The following CAMK2G variants were observed in gnomAD, a reference collection of about 807,000 sequenced individuals.
CAMK2G encodes calcium/calmodulin dependent protein kinase II gamma.
A neutral mutation model predicts 88.7 loss-of-function variants in CAMK2G; 23 were observed. That is an observed-to-expected ratio of 0.26 (90% CI 0.19 to 0.37). The LOEUF (loss-of-function observed/expected upper bound fraction) is 0.37, where lower values mean the gene tolerates loss of function less well. Among genes scored for constraint, CAMK2G ranks in the 10% least tolerant of loss-of-function variants. The probability of loss-of-function intolerance (pLI) is 1.00; values close to 1 mark genes in which losing one functional copy is unlikely to be tolerated. For missense variants in CAMK2G, 476 were observed against 780.8 expected, an observed-to-expected ratio of 0.61 and a Z score of 4.65; for synonymous variants, 263 against 294.8, an observed-to-expected ratio of 0.89 and a Z score of 1.11.
chr10:73,865,439 C>T (rs986652322), intron 2 of CAMK2G, among the ~76,000 whole-genome samples: 31 of 152,236 alleles, frequency 2.0e-4, no homozygotes, highest in African/African-American at 7.0e-4. Flanking sequence ...CCCGCTCTCC[C>T]CGTTCCTGCT....
intron 14 of CAMK2G, among the ~76,000 whole-genome samples, chr10:73,829,297 T>TA (rs2091914057): frequency 1.3e-5 from 2 of 150,882 alleles, no homozygotes; most frequent in African/African-American, 4.9e-5. Flanking sequence ...TTTATTTATT[T>TA]ATTTATTTAT....
chr10:73,845,663 A>G (rs1489948105), intron 10 of CAMK2G, among the ~76,000 whole-genome samples: 4 of 151,512 alleles, frequency 2.6e-5, no homozygotes, highest in Non-Finnish European at 5.9e-5. Context: ...TGAGGGTACA[A>G]CTCTCCGCTC....
At chr10:73,853,120 G>T (rs1349217788) in intron 4 of CAMK2G, 72 bp downstream of exon 4, 6 of 1,407,950 alleles carry the variant, frequency 4.3e-6, no homozygotes, top group Non-Finnish European at 6.0e-6. Context: ...GCCTGTTTAG[G>T]CCTCTTCCTG....
chr10:73,818,064 A>G lies in CAMK2G; in HGVS notation c.1364-510T>C, dbSNP rs982032716. 5.3e-5 allele frequency: 9 copies of G among 169,948 alleles called. No individual in the cohort carries two copies. In the South Asian group the frequency reaches 1.3e-3, roughly 24 times the overall value. The allele number at this position is 169,948 out of a possible 1,614,324, so 10.5% of individuals were successfully genotyped here. A position where few individuals can be genotyped will look rare whatever the true frequency, so the allele number is the denominator to read the frequency against. ...GACAGGTAGCCTGACAGCAGAATCC[A>G]GCTAGGGCTGGGGTGCCAAAGGACC... On this transcript the variant is annotated intron_variant, in intron 19 of 22. Transcript: ENST00000423381.
In CAMK2G at chr10:73,839,946, T is replaced by C. The variant is rs1318250862; in HGVS notation, c.947-345A>G. 6.6e-6 allele frequency among the ~76,000 whole-genome samples: 1 copy of C among 152,110 alleles called. No homozygotes were observed. Among genetic ancestry groups the C allele is most frequent in the Non-Finnish European group, 1.5e-5 (1 of 67,984 alleles). On this transcript the variant is annotated intron_variant, in intron 12 of 22. Coordinates refer to ENST00000423381, the MANE Select transcript of CAMK2G (RefSeq NM_001367534.1). This position sits in a 1 kb window ranked among gnomAD's most constrained non-coding sequence, Gnocchi z 4.2. The stretch of plus-strand genomic sequence containing the variant: ...CCTTCTGAGGTAGCCCGGCCCTAGC[T>C]TAAGGCTGTGATGAAACGCCCTCCC...
At chr10:73,864,819 AT>A (rs1315811781) in intron 2 of CAMK2G, among the ~76,000 whole-genome samples, 3 of 151,394 alleles carry the variant, frequency 2.0e-5, no homozygotes, top group Non-Finnish European at 4.4e-5. Flanking sequence ...ATTTTTTTGT[AT>A]TTTTCAGTAG....
intron 14 of CAMK2G, among the ~76,000 whole-genome samples, chr10:73,833,457 C>T (rs2092776145): frequency 6.6e-6 from 1 of 152,146 alleles, no homozygotes; most frequent in Non-Finnish European, 1.5e-5. Context: ...ACTACCATCA[C>T]TAACTAGAGT....
At chr10:73,837,255 G>C (rs1565307886) in intron 14 of CAMK2G, 1 of 625,392 alleles carries the variant, frequency 1.6e-6, no homozygotes, top group African/African-American at 1.8e-5. Context: ...CTTCCCCTGA[G>C]TCATTCCCAT....
intron 16 of CAMK2G, among the ~76,000 whole-genome samples, chr10:73,824,588 T>C (rs2090284094): frequency 6.6e-6 from 1 of 152,220 alleles, no homozygotes; most frequent in Non-Finnish European, 1.5e-5. Context: ...GCCCGCCTTC[T>C]GCCTTCCCTA....
chr10:73,845,933 G>A (rs2094208287), intron 10 of CAMK2G, among the ~76,000 whole-genome samples: 1 of 148,924 alleles, frequency 6.7e-6, no homozygotes, highest in Non-Finnish European at 1.5e-5. Flanking sequence ...TAAAGAGGTG[G>A]GGTCTGACCA....
chr10:73,869,988 A>G (rs189931176), intron 2 of CAMK2G, among the ~76,000 whole-genome samples: 1 of 152,354 alleles, frequency 6.6e-6, no homozygotes, highest in Non-Finnish European at 1.5e-5. Context: ...CAACTGTAGT[A>G]ATATGGGGGA....
At chr10:73,868,822 A>C (rs2095691518) in intron 2 of CAMK2G, among the ~76,000 whole-genome samples, 1 of 152,190 alleles carries the variant, frequency 6.6e-6, no homozygotes. Flanking sequence ...AGCTGGCACC[A>C]TCCAGGGGAT....
chr10:73,845,666 C>T (rs1268841754), intron 10 of CAMK2G, among the ~76,000 whole-genome samples: 2 of 151,942 alleles, frequency 1.3e-5, no homozygotes, highest in African/African-American at 4.8e-5. Context: ...GGGTACAACT[C>T]TCCGCTCAAC....
chr10:73,816,989 G>A (rs1309246760), intron 21 of CAMK2G, 34 bp downstream of exon 21: 1 of 1,613,978 alleles, frequency 6.2e-7, no homozygotes, highest in Admixed American at 1.7e-5. Context: ...TAAAGGGGCA[G>A]GCAGGAGTAT....
chr10:73,845,265 C>T (rs1443129579), intron 10 of CAMK2G, among the ~76,000 whole-genome samples: 1 of 152,026 alleles, frequency 6.6e-6, no homozygotes, highest in Non-Finnish European at 1.5e-5. Context: ...TGGAGGTTGC[C>T]AGACTCAGCA....
In CAMK2G at chr10:73,848,479, T is replaced by C. The variant is rs370665595; in HGVS notation, c.601+47A>G. Reference sequence around the variant, plus strand: ...GCCTCTTTCTTGCCATCATCGGAAGTTGAGGGCCCTTAACAGCGAAAAGCT... The same window carrying C: ...GCCTCTTTCTTGCCATCATCGGAAGCTGAGGGCCCTTAACAGCGAAAAGCT... On this transcript the variant is annotated intron_variant, in intron 8 of 22. Transcript: ENST00000423381. This position sits in a 1 kb window ranked among gnomAD's most constrained non-coding sequence, Gnocchi z 4.5. 1 of 1,215,008 alleles carries C rather than the reference T, an allele frequency of 8.2e-7. No individual in the cohort carries two copies. Among genetic ancestry groups the C allele is most frequent in the Non-Finnish European group, 1.2e-6 (1 of 819,370 alleles). 75.3% of individuals were successfully genotyped at this position (1,215,008 alleles called of 1,614,324 possible). A position where few individuals can be genotyped will look rare whatever the true frequency, so the allele number is the denominator to read the frequency against.
intron 15 of CAMK2G, among the ~76,000 whole-genome samples, chr10:73,827,287 C>T (rs112095460): frequency 6.6e-6 from 1 of 152,226 alleles, no homozygotes; most frequent in Non-Finnish European, 1.5e-5. Context: ...CCTGGGTTCA[C>T]GCCATTCTCC....
chr10:73,825,046 C>G (rs561286417), intron 16 of CAMK2G, among the ~76,000 whole-genome samples: 1 of 152,226 alleles, frequency 6.6e-6, no homozygotes, highest in African/African-American at 2.4e-5. Flanking sequence ...CTCTTCCCCC[C>G]ACCAGCGAAA....
At position 73,815,129 on chromosome 10, in the gene CAMK2G, C is replaced by A. The variant is rs1224039555; in HGVS notation, c.1653G>T (p.Gln551His). 1.9e-6 allele frequency: 3 copies of A among 1,614,138 alleles called. No individual in the cohort carries two copies. The highest frequency in any genetic ancestry group is 2.5e-6 in the Non-Finnish European group (3 of 1,180,050). Reference sequence around the variant, plus strand: ...CTGACTGGCTGGTGCGAGGCCGACCCTGCCCGTCGATGTACTGGGTGAGGC... The same window carrying A: ...CTGACTGGCTGGTGCGAGGCCGACCATGCCCGTCGATGTACTGGGTGAGGC... ...YIRLTQYIDG[Q>H]GRPRTSQSEE... Residue 551 changes from glutamine to histidine, a missense_variant, in exon 22 of 23, where the codon CAG becomes CAT. Gln to His is a conservative substitution (Grantham distance 24, BLOSUM62 0). Transcript: ENST00000423381.
Sources: allele counts gnomAD v4.1 joint callset (sites outside exome capture counted in the v4.1 genomes callset), GRCh38; gene constraint gnomAD v4.1.1; non-coding constraint Gnocchi (gnomAD v3.1); transcripts MANE v1.5; gene names NCBI Gene and HGNC (gene_info 2026-07-23, HGNC 2026-07-21).